The following SLC10A7 variants were observed in gnomAD, a reference collection of about 807,000 sequenced individuals.
SLC10A7 encodes sodium/bile acid cotransporter 7.
Under a neutral mutation model 43.2 loss-of-function variants are expected in SLC10A7, and 29 were observed. The observed-to-expected ratio is 0.67, with a 90% CI of 0.50 to 0.92. SLC10A7 has a LOEUF of 0.92. SLC10A7 is among the 40% of genes least tolerant of loss of function. SLC10A7 has a pLI of 0.00. For missense variants in SLC10A7, 295 were observed against 403.2 expected (o/e 0.73, Z 2.30); for synonymous variants, 152 against 144.8 (o/e 1.05, Z -0.35).
chr4:146,478,624 G>T (rs1232109452), intron 4 of SLC10A7, among the ~76,000 whole-genome samples: 1 of 152,144 alleles, frequency 6.6e-6, no homozygotes. Context: ...CAGCTGAAGG[G>T]TTACACCAAA....
At chr4:146,279,357 A>G (rs984507604) in intron 10 of SLC10A7, among the ~76,000 whole-genome samples, 1 of 152,202 alleles carries the variant, frequency 6.6e-6, no homozygotes, top group Non-Finnish European at 1.5e-5. Context: ...AAAGATAAAT[A>G]AGATGGTAGT....
At chr4:146,386,258 T>C (rs980415496) in intron 5 of SLC10A7, among the ~76,000 whole-genome samples, 2 of 152,194 alleles carry the variant, frequency 1.3e-5, no homozygotes, top group Non-Finnish European at 2.9e-5. Flanking sequence ...TTTTTGACTG[T>C]TTAATAATAG....
intron 5 of SLC10A7, among the ~76,000 whole-genome samples, chr4:146,340,589 G>A (rs1734198342): frequency 6.6e-6 from 1 of 150,944 alleles, no homozygotes; most frequent in African/African-American, 2.4e-5. Flanking sequence ...CTTTTAACCT[G>A]GACATTTCTA....
At chr4:146,499,283 C>T (rs1189687737) in intron 4 of SLC10A7, among the ~76,000 whole-genome samples, 2 of 152,064 alleles carry the variant, frequency 1.3e-5, no homozygotes, top group Non-Finnish European at 2.9e-5. Context: ...ATGTTAAAAC[C>T]CATGTGAGTA....
intron 2 of SLC10A7, chr4:146,513,848 A>T (rs1344144243): frequency 6.6e-6 from 1 of 152,254 alleles, no homozygotes; most frequent in Non-Finnish European, 1.5e-5. Context: ...ACCCATGTAG[A>T]ATTTTGAGCC....
At chr4:146,274,940 G>A (rs1729117375) in intron 10 of SLC10A7, among the ~76,000 whole-genome samples, 1 of 152,082 alleles carries the variant, frequency 6.6e-6, no homozygotes, top group Non-Finnish European at 1.5e-5. Context: ...GGTTCCTACT[G>A]TCATCAAAAT....
chr4:146,287,298 A>G (rs1049519406), intron 9 of SLC10A7, among the ~76,000 whole-genome samples: 4 of 152,202 alleles, frequency 2.6e-5, no homozygotes, highest in Non-Finnish European at 5.9e-5. Context: ...ATATTTGACT[A>G]TGATTATAAA....
intron 5 of SLC10A7, among the ~76,000 whole-genome samples, chr4:146,425,016 G>A (rs986490152): frequency 1.3e-5 from 2 of 152,068 alleles, no homozygotes; most frequent in Non-Finnish European, 2.9e-5. Flanking sequence ...AAAGTAAACA[G>A]TCCTCTCAGT....
At chr4:146,355,425 G>T (rs369664111) in intron 5 of SLC10A7, among the ~76,000 whole-genome samples, 34 of 152,202 alleles carry the variant, frequency 2.2e-4, no homozygotes, top group South Asian at 4.2e-4. Context: ...ATAGGAACAC[G>T]TTTACACTGT....
chr4:146,343,665 T>A (rs77083586), intron 5 of SLC10A7, among the ~76,000 whole-genome samples: 14,613 of 152,032 alleles, frequency 0.096, 864 homozygotes, highest in South Asian at 0.18. Flanking sequence ...AGTCTTTTTA[T>A]GGGCATGGTC....
chr4:146,376,866 A>G (rs1209142307), intron 5 of SLC10A7, among the ~76,000 whole-genome samples: 1 of 152,160 alleles, frequency 6.6e-6, no homozygotes, highest in African/African-American at 2.4e-5. Flanking sequence ...ACGGGACCTC[A>G]CAATCTGTAT....
chr4:146,302,359 T>C (rs1385958029), intron 7 of SLC10A7, among the ~76,000 whole-genome samples: 2 of 152,212 alleles, frequency 1.3e-5, no homozygotes, highest in African/African-American at 2.4e-5. Context: ...ACTCACTCTT[T>C]CAGCACATAT....
In SLC10A7 at chr4:146,290,705, A is replaced by T. The variant is rs574791977; in HGVS notation, c.773+2224T>A. Among the ~76,000 whole-genome samples the T allele has an allele frequency of 3.9e-5, 6 of 152,226 alleles. No individual in the cohort carries two copies. In the East Asian group the frequency reaches 7.8e-4, roughly 20 times the overall value. On this transcript the variant is annotated intron_variant, in intron 9 of 11. Coordinates refer to ENST00000335472, the MANE Select transcript of SLC10A7 (RefSeq NM_001029998.6). ...CAAGAGCTTGTCGCTACAAAAAATTACAAGTTAGCCGGGCATGGTGGTGTT... is the reference window on the plus strand; with the variant it reads ...CAAGAGCTTGTCGCTACAAAAAATTTCAAGTTAGCCGGGCATGGTGGTGTT...
intron 5 of SLC10A7, among the ~76,000 whole-genome samples, chr4:146,355,744 A>T (rs1429245790): frequency 6.6e-6 from 1 of 151,002 alleles, no homozygotes; most frequent in Non-Finnish European, 1.5e-5. Context: ...TTGTAGGGAC[A>T]TGGATGAAAT....
At chr4:146,392,399 C>T (rs1738498732) in intron 5 of SLC10A7, among the ~76,000 whole-genome samples, 2 of 152,048 alleles carry the variant, frequency 1.3e-5, no homozygotes, top group Admixed American at 1.3e-4. Flanking sequence ...GAGAGAAAAA[C>T]ACCTTGGCTG....
intron 10 of SLC10A7, among the ~76,000 whole-genome samples, chr4:146,267,678 T>C (rs933341833): frequency 6.6e-6 from 1 of 152,178 alleles, no homozygotes; most frequent in African/African-American, 2.4e-5. Context: ...ACCTCTACTG[T>C]TGCTTTATGA....
At chr4:146,401,506 G>A (rs548453003) in intron 5 of SLC10A7, among the ~76,000 whole-genome samples, 4 of 152,220 alleles carry the variant, frequency 2.6e-5, no homozygotes, top group African/African-American at 4.8e-5. Flanking sequence ...GGTGAGAGAC[G>A]GAATAAAGAA....
At chr4:146,296,960 C>A (rs1209560971) in intron 7 of SLC10A7, among the ~76,000 whole-genome samples, 2 of 152,076 alleles carry the variant, frequency 1.3e-5, no homozygotes, top group Admixed American at 6.6e-5. Flanking sequence ...AACTTCTTTG[C>A]CTTATAGAAA....
At chr4:146,324,260 G>A (rs996275916) in intron 6 of SLC10A7, among the ~76,000 whole-genome samples, 9 of 152,112 alleles carry the variant, frequency 5.9e-5, no homozygotes, top group African/African-American at 2.2e-4. Context: ...AAGGTAATTT[G>A]TAGATTCAAT....
Sources: allele counts gnomAD v4.1 joint callset (sites outside exome capture counted in the v4.1 genomes callset), GRCh38; gene constraint gnomAD v4.1.1; transcripts MANE v1.5; gene names NCBI Gene and HGNC (gene_info 2026-07-23, HGNC 2026-07-21).